Variants in RAPGEF1 observed in about 807,000 individuals in gnomAD.
The protein encoded by RAPGEF1 is CRK SH3-binding GNRP.
Under a neutral mutation model 143.3 loss-of-function variants are expected in RAPGEF1, and 33 were observed. That is an observed-to-expected ratio of 0.23 (90% confidence interval 0.17 to 0.31). The LOEUF is 0.31. RAPGEF1 is among the 10% of genes least tolerant of loss of function. RAPGEF1 has a pLI of 1.00. For synonymous variants in RAPGEF1, 629 were observed against 676.5 expected (o/e 0.93, Z 1.09); for missense variants, 1,199 against 1,645.4 (o/e 0.73, Z 4.69).
chr9:131,602,205 T>G, intron 14 of RAPGEF1, 56 bp from the exon 15 acceptor site: 1 of 1,346,618 alleles, frequency 7.4e-7, no homozygotes, highest in South Asian at 1.3e-5. Flanking sequence ...GGGGCTGCTC[T>G]GTCTTCCCAG....
At chr9:131,696,918 T>C (rs1340970473) in intron 1 of RAPGEF1, among the ~76,000 whole-genome samples, 1 of 152,238 alleles carries the variant, frequency 6.6e-6, no homozygotes, top group Non-Finnish European at 1.5e-5. Context: ...CTATGCCAAG[T>C]ATTGTCAAGC....
intron 1 of RAPGEF1, among the ~76,000 whole-genome samples, chr9:131,664,307 T>G (rs1004359339): frequency 6.6e-6 from 1 of 152,164 alleles, no homozygotes; most frequent in South Asian, 2.1e-4. Flanking sequence ...GGAGTGGTAT[T>G]TAGAAACCAA....
chr9:131,738,974 G>A (rs1303291707), intron 1 of RAPGEF1, among the ~76,000 whole-genome samples: 1 of 152,186 alleles, frequency 6.6e-6, no homozygotes, highest in Non-Finnish European at 1.5e-5. Context: ...CAGGAGCCCA[G>A]GAGCACCCGC....
chr9:131,693,804 C>T (rs1347894828), intron 1 of RAPGEF1, among the ~76,000 whole-genome samples: 2 of 132,724 alleles, frequency 1.5e-5, no homozygotes, highest in Non-Finnish European at 3.5e-5. Flanking sequence ...GGAATCTGTC[C>T]CACTGCCACC....
intron 12 of RAPGEF1, among the ~76,000 whole-genome samples, chr9:131,612,627 G>A (rs180980089): frequency 2.0e-5 from 3 of 152,218 alleles, no homozygotes; most frequent in South Asian, 2.1e-4. Flanking sequence ...GTGGCTCTAC[G>A]TTATCCCGAG....
chr9:131,690,991 T>C (rs966820689), intron 1 of RAPGEF1, among the ~76,000 whole-genome samples: 12 of 152,202 alleles, frequency 7.9e-5, no homozygotes, highest in African/African-American at 2.9e-4. Context: ...TTCTAGATAA[T>C]TGGCCTAGGA....
chr9:131,585,364 G>GGC (rs1679573716), intron 22 of RAPGEF1, among the ~76,000 whole-genome samples: 1 of 73,178 alleles, frequency 1.4e-5, no homozygotes, highest in Non-Finnish European at 4.0e-5. Context: ...TTTTTTGTAG[G>GGC]GGGGGGGCGT....
At chr9:131,657,019 C>A (rs1054643546) in intron 1 of RAPGEF1, among the ~76,000 whole-genome samples, 1 of 152,214 alleles carries the variant, frequency 6.6e-6, no homozygotes. Flanking sequence ...CGCTGGAAAT[C>A]GAGGACAGCA....
At chr9:131,654,070 A>G (rs1971789484) in intron 1 of RAPGEF1, among the ~76,000 whole-genome samples, 1 of 152,234 alleles carries the variant, frequency 6.6e-6, no homozygotes, top group African/African-American at 2.4e-5. Context: ...AATGTCCAGA[A>G]TAGGCAAATC....
rs183255616 is a variant in RAPGEF1 at position 131,625,706 on chromosome 9, T to C, written c.1702+216A>G. Reference sequence around the variant, plus strand: ...CATGGAGACCGGACCTGAGATTGTATAGAAACTGTAAAGGAGAGGTCAGCT... The same window carrying C: ...CATGGAGACCGGACCTGAGATTGTACAGAAACTGTAAAGGAGAGGTCAGCT... On this transcript the variant is annotated intron_variant, in intron 10 of 26. Coordinates refer to ENST00000683357, the MANE Select transcript of RAPGEF1 (RefSeq NM_001377935.1). Among the ~76,000 whole-genome samples, 73 of 152,280 alleles carry C rather than the reference T, an allele frequency of 4.8e-4. 3 individuals carry two copies. In the East Asian group the frequency reaches 0.012, roughly 25 times the overall value.
chr9:131,726,069 T>G (rs1836648405), intron 1 of RAPGEF1, among the ~76,000 whole-genome samples: 1 of 152,122 alleles, frequency 6.6e-6, no homozygotes, highest in Admixed American at 6.5e-5. Context: ...AAAATTGGGT[T>G]GTTTTTTGTT....
intron 1 of RAPGEF1, among the ~76,000 whole-genome samples, chr9:131,729,586 C>T (rs1330959088): frequency 6.6e-6 from 1 of 152,204 alleles, no homozygotes; most frequent in African/African-American, 2.4e-5. Flanking sequence ...GAGTACATTC[C>T]AACCCAAGGC....
rs769869009 is a variant in RAPGEF1 at position 131,580,341 on chromosome 9, T to C, written c.3563A>G (p.Tyr1188Cys). The change falls in exon 26 of 27, where the codon TAC becomes TGC. Residue 1188 changes from tyrosine to cysteine, a missense_variant. Tyr to Cys is a radical substitution (Grantham distance 194). This residue lies in a region of RAPGEF1 where 67 missense variants were observed against 105.4 expected (regional missense o/e 0.64). Transcript: ENST00000683357. Reference protein sequence around the residue: ...LTFVHLGNPDYIDGKVNFSKR... With the variant: ...LTFVHLGNPDCIDGKVNFSKR... The stretch of plus-strand genomic sequence containing the variant: ...GGAGAAGTTCACTTTCCCGTCGATG[T>C]AGTCTGGGTTTCCCAGGTGAACGAA... 2 of 1,613,918 alleles carry C rather than the reference T, an allele frequency of 1.2e-6. No homozygotes were observed. The highest frequency in any genetic ancestry group is 1.7e-6 in the Non-Finnish European group (2 of 1,179,850).
rs367643811 is a variant in RAPGEF1, at chr9:131,626,007, G to A, written c.1617C>T (p.Val539=). The change falls in exon 10 of 27, where the codon GTC becomes GTT. Residue 539 remains valine (V), a synonymous_variant. Coordinates refer to ENST00000683357, the MANE Select transcript of RAPGEF1 (RefSeq NM_001377935.1). ...PFQHGGSSAP[V]EFVGDFTAPE... ...GAGCAGTAAAATCACCCACAAATTC[G>A]ACAGGGGCTGAGGAACCTCCATGCT... 162 of 1,609,854 alleles carry A rather than the reference G, an allele frequency of 1.0e-4. No homozygotes were observed. The highest frequency in any genetic ancestry group is 1.2e-4 in the African/African-American group (9 of 74,838).
chr9:131,737,270 C>T, intron 1 of RAPGEF1: 1 of 1,426,608 alleles, frequency 7.0e-7, no homozygotes, highest in Non-Finnish European at 9.8e-7. Context: ...AGCTCCTGGT[C>T]AGCCCCTTCC....
At chr9:131,681,256 A>G (rs973290805) in intron 1 of RAPGEF1, among the ~76,000 whole-genome samples, 6 of 152,076 alleles carry the variant, frequency 3.9e-5, no homozygotes, top group African/African-American at 1.4e-4. Flanking sequence ...TCTTTTCCGG[A>G]GGACACTGGG....
At chr9:131,613,652 G>A (rs985131451) in intron 12 of RAPGEF1, among the ~76,000 whole-genome samples, 6 of 152,180 alleles carry the variant, frequency 3.9e-5, no homozygotes, top group Non-Finnish European at 7.3e-5. Context: ...AATGGGCACT[G>A]CCTGCCTGTC....
intron 22 of RAPGEF1, among the ~76,000 whole-genome samples, chr9:131,585,370 G>A (rs569308503): frequency 5.9e-5 from 9 of 152,030 alleles, no homozygotes; most frequent in South Asian, 2.1e-4. Context: ...GTAGGGGGGG[G>A]GCGTCTCTCT....
At chr9:131,699,244 T>G (rs1267483578) in intron 1 of RAPGEF1, among the ~76,000 whole-genome samples, 1 of 151,022 alleles carries the variant, frequency 6.6e-6, no homozygotes, top group Non-Finnish European at 1.5e-5. Flanking sequence ...TGACACTTTT[T>G]TTTTTTTTTT....
Sources: gnomAD v4.1 joint callset for allele counts (sites outside exome capture counted in the v4.1 genomes callset) on GRCh38, gnomAD v4.1.1 for gene constraint, gnomAD v4.1.1 regional missense constraint, MANE v1.5 for transcripts, NCBI Gene and HGNC (gene_info 2026-07-23, HGNC 2026-07-21) for gene names.